The following NYAP2 variants were observed in gnomAD, a reference collection of about 807,000 sequenced individuals.
NYAP2 encodes neuronal tyrosine-phosphorylated phosphoinositide-3-kinase adaptor 2, also known as neuronal tyrosine-phosphorylated phosphoinositide-3-kinase adapter 2.
A neutral mutation model predicts 50.4 loss-of-function variants in NYAP2; 23 were observed. The ratio of observed to expected loss-of-function variants is 0.46; its 90% confidence interval spans 0.33 to 0.65. The LOEUF is 0.65. Among genes scored for constraint, NYAP2 ranks in the 30% least tolerant of loss-of-function variants. NYAP2 has a pLI of 0.02. For synonymous variants in NYAP2, 394 were observed against 365.2 expected (o/e 1.08, Z -0.90); for missense variants, 885 against 861.0 (o/e 1.03, Z -0.35).
chr2:225,645,880 C>T (rs1693627930), intron 6 of NYAP2, among the ~76,000 whole-genome samples: 1 of 152,166 alleles, frequency 6.6e-6, no homozygotes, highest in Non-Finnish European at 1.5e-5. Flanking sequence ...GTGAGCCAAA[C>T]ATTGCATTTA....
intron 5 of NYAP2, among the ~76,000 whole-genome samples, chr2:225,624,840 G>A (rs566676927): frequency 9.2e-5 from 14 of 151,670 alleles, no homozygotes; most frequent in East Asian, 7.8e-4. Flanking sequence ...TGTTTTGTAC[G>A]TAAGAAAAAT....
the NYAP2 span, among the ~76,000 whole-genome samples, chr2:225,673,973 C>T: frequency 6.6e-6 from 1 of 151,292 alleles, no homozygotes. Flanking sequence ...GACTTCAGAA[C>T]TGTAGCTCAC....
At chr2:225,492,197 G>C (rs114976551) in intron 3 of NYAP2, among the ~76,000 whole-genome samples, 1 of 152,316 alleles carries the variant, frequency 6.6e-6, no homozygotes, top group African/African-American at 2.4e-5. Context: ...CCGGTTGATT[G>C]TAGGAAGCAT....
intron 5 of NYAP2, among the ~76,000 whole-genome samples, chr2:225,607,909 A>C (rs1405649844): frequency 1.3e-5 from 2 of 152,162 alleles, no homozygotes; most frequent in Non-Finnish European, 2.9e-5. Context: ...TTGAACAATA[A>C]GGACACTTTC....
At chr2:225,613,605 C>T (rs1043804020) in intron 5 of NYAP2, among the ~76,000 whole-genome samples, 4 of 152,132 alleles carry the variant, frequency 2.6e-5, no homozygotes, top group African/African-American at 9.7e-5. Context: ...CAGCATCTGA[C>T]CCATAGTAGC....
exon 7 of NYAP2, chr2:225,653,355 A>G (rs1693768141): frequency 6.6e-6 from 1 of 152,180 alleles, no homozygotes; most frequent in Non-Finnish European, 1.5e-5. Flanking sequence ...TCAAACTCTC[A>G]ATGAAAGCAG....
intron 4 of NYAP2, among the ~76,000 whole-genome samples, chr2:225,566,935 G>A (rs116683221): frequency 0.037 from 5,651 of 152,100 alleles, 331 homozygotes; most frequent in African/African-American, 0.13. Flanking sequence ...GTGTGTGTGC[G>A]TGTGTGTTTG....
intron 3 of NYAP2, among the ~76,000 whole-genome samples, chr2:225,411,007 A>G (rs1036659184): frequency 2.0e-5 from 3 of 152,180 alleles, no homozygotes; most frequent in Non-Finnish European, 2.9e-5. Flanking sequence ...AAAAGTAAAG[A>G]TAACTCAGAT....
chr2:225,506,427 C>A (rs1690708195), intron 3 of NYAP2, among the ~76,000 whole-genome samples: 1 of 152,174 alleles, frequency 6.6e-6, no homozygotes, highest in African/African-American at 2.4e-5. Context: ...TCTTAAAAGT[C>A]TGACTTTGAG....
chr2:225,543,632 A>G (rs1294956792), intron 4 of NYAP2, among the ~76,000 whole-genome samples: 1 of 151,978 alleles, frequency 6.6e-6, no homozygotes, highest in Non-Finnish European at 1.5e-5. Context: ...AAAATGCTAG[A>G]TATTATTTCA....
chr2:225,496,178 G>A (rs1162143323), intron 3 of NYAP2, among the ~76,000 whole-genome samples: 3 of 152,150 alleles, frequency 2.0e-5, no homozygotes, highest in African/African-American at 7.2e-5. Context: ...AAACGCAAAG[G>A]AAGCAAACTG....
chr2:225,550,589 G>A (rs1276231812), intron 4 of NYAP2, among the ~76,000 whole-genome samples: 1 of 152,160 alleles, frequency 6.6e-6, no homozygotes, highest in Non-Finnish European at 1.5e-5. Flanking sequence ...TAGGGAAATG[G>A]GTGGCAGCTG....
chr2:225,435,551 G>T (rs555578771), intron 3 of NYAP2, among the ~76,000 whole-genome samples: 1 of 152,144 alleles, frequency 6.6e-6, no homozygotes, highest in African/African-American at 2.4e-5. Context: ...TCTACAGTCT[G>T]CTTCTTAATT....
chr2:225,470,386 T>C (rs1338573277), intron 3 of NYAP2, among the ~76,000 whole-genome samples: 1 of 152,214 alleles, frequency 6.6e-6, no homozygotes, highest in Non-Finnish European at 1.5e-5. Context: ...AGGTTTCAAT[T>C]TGACCTATTC....
At chr2:225,408,752 T>C in intron 2 of NYAP2, 112 bp from the exon 3 acceptor site, 1 of 596,662 alleles carries the variant, frequency 1.7e-6, no homozygotes, top group South Asian at 2.2e-5. Context: ...AGATATTTTC[T>C]CCAATCGGAT....
intron 2 of NYAP2, among the ~76,000 whole-genome samples, chr2:225,401,428 C>A (rs1385862630): frequency 1.3e-5 from 2 of 152,020 alleles, no homozygotes; most frequent in Non-Finnish European, 2.9e-5. Context: ...TGTCTCTTAG[C>A]ACATTTATGT....
chr2:225,561,521 A>G (rs1020077546), intron 4 of NYAP2, among the ~76,000 whole-genome samples: 7 of 152,060 alleles, frequency 4.6e-5, no homozygotes, highest in Non-Finnish European at 8.8e-5. Context: ...TTCAACACAT[A>G]TTTTAAAGTT....
intron 5 of NYAP2, among the ~76,000 whole-genome samples, chr2:225,610,112 A>G (rs955149377): frequency 6.6e-6 from 1 of 152,172 alleles, no homozygotes; most frequent in African/African-American, 2.4e-5. Flanking sequence ...TGAAATCTAG[A>G]AAGTGGTAGA....
At chr2:225,568,128 C>A (rs1691996365) in intron 4 of NYAP2, among the ~76,000 whole-genome samples, 1 of 152,046 alleles carries the variant, frequency 6.6e-6, no homozygotes, top group Admixed American at 6.6e-5. Context: ...AATTTGTGGT[C>A]TGGGATTATG....
Sources: gnomAD v4.1 joint callset for allele counts (sites outside exome capture counted in the v4.1 genomes callset) on GRCh38, gnomAD v4.1.1 for gene constraint, MANE v1.5 for transcripts, NCBI Gene and HGNC (gene_info 2026-07-23, HGNC 2026-07-21) for gene names.